UHRF2: variants seen among roughly 807,000 people sequenced by gnomAD.
UHRF2 encodes the protein ubiquitin like with PHD and ring finger domains 2.
UHRF2 carries 23 observed loss-of-function variants against 96.8 expected under a neutral mutation model. The ratio of observed to expected loss-of-function variants is 0.24; its 90% CI spans 0.17 to 0.34. UHRF2 has a LOEUF of 0.34. UHRF2 is among the 10% of genes least tolerant of loss of function. The pLI, the probability that UHRF2 is intolerant of heterozygous loss-of-function variation, is 1.00. For missense variants in UHRF2, 685 were observed against 981.5 expected, an observed-to-expected ratio of 0.70 and a Z score of 4.04; for synonymous variants, 385 against 332.6, an observed-to-expected ratio of 1.16 and a Z score of -1.72.
In UHRF2 at chr9:6,500,839, C is replaced by G. The variant is rs951312127; in HGVS notation, c.2163+130C>G. On this transcript the variant is annotated intron_variant, in intron 14 of 15. Transcript: ENST00000276893. ...TACCCGGTTTTCTAATCCAGTGCCA[C>G]TACCTTTCAGAAATAATCTGAGGCA... The G allele has an allele frequency of 4.1e-5, 33 of 806,364 alleles. No homozygotes were observed. In the African/African-American group the frequency reaches 5.4e-4, roughly 13 times the overall value. The allele number at this position is 806,364 out of a possible 1,614,324, so 50.0% of individuals were successfully genotyped here.
At chr9:6,422,271 G>A (rs1208505725) in intron 2 of UHRF2, among the ~76,000 whole-genome samples, 13 of 151,544 alleles carry the variant, frequency 8.6e-5, no homozygotes, top group Non-Finnish European at 1.2e-4. Flanking sequence ...CAGTAGAGAC[G>A]GGATTTTACC....
chr9:6,421,541 T>A (rs1371983584), intron 2 of UHRF2, among the ~76,000 whole-genome samples: 1 of 152,140 alleles, frequency 6.6e-6, no homozygotes, highest in Non-Finnish European at 1.5e-5. Context: ...CTTAGTCTCC[T>A]GATTAGCTGG....
At chr9:6,446,539 G>A (rs1029792038) in intron 3 of UHRF2, among the ~76,000 whole-genome samples, 1 of 151,652 alleles carries the variant, frequency 6.6e-6, no homozygotes, top group African/African-American at 2.4e-5. Context: ...CCTCAGCCCC[G>A]GTCTACATAC....
chr9:6,441,966 G>C (rs1258416231), intron 3 of UHRF2, among the ~76,000 whole-genome samples: 3 of 152,058 alleles, frequency 2.0e-5, no homozygotes, highest in Non-Finnish European at 1.5e-5. Context: ...CTATGTAATA[G>C]TTGACTGTTC....
chr9:6,424,126 A>ATAGG (rs1820100732), intron 2 of UHRF2, among the ~76,000 whole-genome samples: 2 of 21,516 alleles, frequency 9.3e-5, no homozygotes, highest in South Asian at 9.8e-3. Context: ...AGGCAGGAGA[A>ATAGG]CAAAATAAAG....
chr9:6,414,617 A>G (rs564334003), intron 1 of UHRF2, among the ~76,000 whole-genome samples: 3 of 152,326 alleles, frequency 2.0e-5, no homozygotes, highest in Admixed American at 1.3e-4. Context: ...AAAAGTTGGC[A>G]TCCTGAGTTG....
chr9:6,436,424 G>C (rs1454362471), intron 3 of UHRF2, among the ~76,000 whole-genome samples: 1 of 152,086 alleles, frequency 6.6e-6, no homozygotes, highest in Non-Finnish European at 1.5e-5. Context: ...AATAGTAAGT[G>C]GTCTCTGGGT....
intron 3 of UHRF2, among the ~76,000 whole-genome samples, chr9:6,451,888 G>T (rs144762218): frequency 1.3e-5 from 2 of 150,876 alleles, no homozygotes; most frequent in Middle Eastern, 3.5e-3. Flanking sequence ...GGGTTCAAGC[G>T]ATTCTCCTGC....
intron 2 of UHRF2, among the ~76,000 whole-genome samples, chr9:6,432,119 T>C (rs1820589086): frequency 6.6e-6 from 1 of 152,226 alleles, no homozygotes. Context: ...AATTAATTTA[T>C]GTAATGTATA....
intron 3 of UHRF2, among the ~76,000 whole-genome samples, chr9:6,447,752 A>AT (rs1394946848): frequency 1.3e-5 from 2 of 152,162 alleles, no homozygotes; most frequent in East Asian, 3.9e-4. Context: ...AAGCAACAAA[A>AT]TTTTGGAAGG....
At chr9:6,467,299 C>A (rs1271666612) in intron 4 of UHRF2, among the ~76,000 whole-genome samples, 3 of 152,292 alleles carry the variant, frequency 2.0e-5, no homozygotes, top group South Asian at 2.1e-4. Flanking sequence ...GTGGCTACAT[C>A]CCCTTCATAT....
chr9:6,504,317 G>C (rs1340652228), intron 14 of UHRF2: 1 of 199,456 alleles, frequency 5.0e-6, no homozygotes, highest in Non-Finnish European at 1.0e-5. Context: ...GAGCCACCGC[G>C]CCCGGCCTCT....
intron 1 of UHRF2, chr9:6,413,931 C>T (rs1279725559): frequency 2.3e-5 from 6 of 265,746 alleles, no homozygotes; most frequent in Non-Finnish European, 3.5e-5. Context: ...CGGCCGTAGG[C>T]ACTGGGTGCC....
intron 8 of UHRF2, among the ~76,000 whole-genome samples, chr9:6,486,446 G>A (rs1375690387): frequency 6.6e-6 from 1 of 152,218 alleles, no homozygotes; most frequent in Non-Finnish European, 1.5e-5. Flanking sequence ...TCCAAGACTA[G>A]AAATAAGAGA....
intron 6 of UHRF2, among the ~76,000 whole-genome samples, chr9:6,479,488 A>G (rs1823793951): frequency 6.6e-6 from 1 of 151,998 alleles, no homozygotes; most frequent in Non-Finnish European, 1.5e-5. Flanking sequence ...CTGCCAAAGC[A>G]CCATCCACTT....
At chr9:6,477,961 A>G (rs1020066680) in intron 6 of UHRF2, among the ~76,000 whole-genome samples, 153 bp downstream of exon 6, 1 of 152,206 alleles carries the variant, frequency 6.6e-6, no homozygotes, top group African/African-American at 2.4e-5. Context: ...GCTCTATTCA[A>G]TTACTGTAAC....
chr9:6,419,911 T>TTTTA (rs1554619324), intron 1 of UHRF2, among the ~76,000 whole-genome samples: 4 of 151,946 alleles, frequency 2.6e-5, no homozygotes, highest in East Asian at 1.9e-4. Context: ...GGCTACGTTT[T>TTTTA]TTTATTTATT....
At chr9:6,431,548 T>A (rs1397733051) in intron 2 of UHRF2, among the ~76,000 whole-genome samples, 1 of 151,998 alleles carries the variant, frequency 6.6e-6, no homozygotes, top group East Asian at 1.9e-4. Context: ...ATCACACCAC[T>A]GCATCCAGCC....
At chr9:6,503,336 A>G (rs538223393) in intron 14 of UHRF2, among the ~76,000 whole-genome samples, 8 of 152,064 alleles carry the variant, frequency 5.3e-5, no homozygotes, top group African/African-American at 1.9e-4. Flanking sequence ...TATGAAATAT[A>G]CTCCCTTACT....
Sources: allele counts gnomAD v4.1 joint callset (sites outside exome capture counted in the v4.1 genomes callset), GRCh38; gene constraint gnomAD v4.1.1; transcripts MANE v1.5; gene names NCBI Gene and HGNC (gene_info 2026-07-23, HGNC 2026-07-21).